Variants in CDH2 observed in about 807,000 individuals in gnomAD.
CDH2 encodes the protein cadherin 2.
Under a neutral mutation model 92.0 loss-of-function variants are expected in CDH2, and 17 were observed. That is an observed-to-expected ratio of 0.18 (90% CI 0.13 to 0.28). CDH2 has a LOEUF of 0.28. Among genes scored for constraint, CDH2 ranks in the 10% least tolerant of loss-of-function variants. The pLI is 1.00. For missense variants in CDH2, 862 were observed against 1,133.1 expected, an observed-to-expected ratio of 0.76 and a Z score of 3.44; for synonymous variants, 419 against 415.9, an observed-to-expected ratio of 1.01 and a Z score of -0.09.
chr18:28,118,478 T>G (rs1201554651), intron 2 of CDH2, among the ~76,000 whole-genome samples: 1 of 152,096 alleles, frequency 6.6e-6, no homozygotes, highest in Non-Finnish European at 1.5e-5. Flanking sequence ...CAGTTCTCAT[T>G]AAAAAGAATG....
intron 1 of CDH2, among the ~76,000 whole-genome samples, chr18:28,162,667 G>C (rs2016323656): frequency 6.6e-6 from 1 of 152,158 alleles, no homozygotes. Context: ...GTCCAGAATA[G>C]ACTAATCTTG....
chr18:28,156,774 AATGTCACCTTCCCAGGTATAGC>A lies in CDH2; in HGVS notation c.61-9012_61-8991del, dbSNP rs1411149143. On this transcript the variant is annotated intron_variant, in intron 1 of 15. Transcript: ENST00000269141. ...TAGCATGTCACCTTCCCAGGTACAGAATGTCACCTTCCCAGGTATAGCATGTCACCTTCCCAGGTATAGCATG... is the reference window on the plus strand; with the variant it reads ...TAGCATGTCACCTTCCCAGGTACAGAATGTCACCTTCCCAGGTATAGCATG... Among the ~76,000 whole-genome samples the A allele has an allele frequency of 2.7e-3, 300 of 112,794 alleles. 5 individuals carry two copies. The highest frequency in any genetic ancestry group is 7.4e-3 in the African/African-American group (211 of 28,610). The allele number at this position is 112,794 out of a possible 152,430, so 74.0% of individuals were successfully genotyped here. A position where few individuals can be genotyped will look rare whatever the true frequency, so the allele number is the denominator to read the frequency against.
At chr18:28,052,517 GGA>G (rs66765318) in intron 2 of CDH2, among the ~76,000 whole-genome samples, 81,611 of 151,848 alleles carry the variant, frequency 0.54, 22,686 homozygotes, top group African/African-American at 0.68. Context: ...GTTTGGAAAG[GGA>G]GAGAGAAATT....
At position 27,979,658 on chromosome 18, in the gene CDH2, A is replaced by C. The variant is rs540988923; in HGVS notation, c.2349+3286T>G. Among the ~76,000 whole-genome samples, 6 of 152,376 alleles carry C rather than the reference A, an allele frequency of 3.9e-5. No homozygotes were observed. In the South Asian group the frequency reaches 1.2e-3, roughly 32 times the overall value. On this transcript the variant is annotated intron_variant, in intron 14 of 15. Transcript: ENST00000269141. ...GCAGTGACAAAAATGAACGACTTCT[A>C]CACATGAATCTCACAGGTACAATGT...
At chr18:28,068,302 T>G (rs2014549134) in intron 2 of CDH2, among the ~76,000 whole-genome samples, 1 of 152,212 alleles carries the variant, frequency 6.6e-6, no homozygotes, top group Non-Finnish European at 1.5e-5. Flanking sequence ...CTGCTAGTTA[T>G]AAGGTCTCAA....
At chr18:28,003,442 T>C (rs1041484251) in intron 6 of CDH2, among the ~76,000 whole-genome samples, 3 of 152,206 alleles carry the variant, frequency 2.0e-5, no homozygotes, top group African/African-American at 7.2e-5. Context: ...ATTCACTTTA[T>C]GATTCCAAAA....
At chr18:27,955,885 G>C (rs1362907884) in intron 15 of CDH2, among the ~76,000 whole-genome samples, 1 of 149,700 alleles carries the variant, frequency 6.7e-6, no homozygotes. Context: ...CAAAATCACT[G>C]AACTTTTCAA....
chr18:28,045,161 G>C (rs987260098), intron 2 of CDH2, among the ~76,000 whole-genome samples: 1 of 152,006 alleles, frequency 6.6e-6, no homozygotes, highest in Non-Finnish European at 1.5e-5. Flanking sequence ...TCATCCAACT[G>C]GTCTTCAAGC....
chr18:28,172,747 T>A (rs1176248284), intron 1 of CDH2, among the ~76,000 whole-genome samples: 1 of 152,166 alleles, frequency 6.6e-6, no homozygotes, highest in Non-Finnish European at 1.5e-5. Context: ...TTTTTTGTAT[T>A]TGAGCCAAAA....
At position 28,177,081 on chromosome 18, in the gene CDH2, C is replaced by T; in HGVS notation, c.-59G>A. 3.8e-6 allele frequency: 4 copies of T among 1,053,184 alleles called. No homozygotes were observed. The highest frequency in any genetic ancestry group is 1.7e-5 in the African/African-American group (1 of 57,406). The allele number at this position is 1,053,184 out of a possible 1,614,324, so 65.2% of individuals were successfully genotyped here. ...GAGGCGGCGGCGGCGGCGGCGGCGGCGGAGGAGGAGGAGGCAGCGGCAGCA... is the reference window on the plus strand; with the variant it reads ...GAGGCGGCGGCGGCGGCGGCGGCGGTGGAGGAGGAGGAGGCAGCGGCAGCA... On this transcript the variant is annotated 5_prime_UTR_variant, in exon 1 of 16. Coordinates refer to ENST00000269141, the MANE Select transcript of CDH2 (RefSeq NM_001792.5).
At chr18:27,985,468 C>T in intron 12 of CDH2, 60 bp downstream of exon 12, 2 of 1,140,262 alleles carry the variant, frequency 1.8e-6, no homozygotes, top group Non-Finnish European at 2.6e-6. Context: ...ATTAACTTTT[C>T]ATGCCAGGCT....
At chr18:27,963,744 C>A in intron 14 of CDH2, 1 of 506,914 alleles carries the variant, frequency 2.0e-6, no homozygotes, top group Non-Finnish European at 3.5e-6. Context: ...ATCTGCTTTA[C>A]AATGTTCCTC....
intron 2 of CDH2, among the ~76,000 whole-genome samples, chr18:28,122,274 C>T (rs1265751595): frequency 6.6e-6 from 1 of 152,068 alleles, no homozygotes; most frequent in Non-Finnish European, 1.5e-5. Flanking sequence ...CTAATATTGT[C>T]TGTATTTGTA....
intron 2 of CDH2, among the ~76,000 whole-genome samples, chr18:28,098,750 CTG>C: frequency 6.6e-6 from 1 of 152,158 alleles, no homozygotes; most frequent in South Asian, 2.1e-4. Flanking sequence ...TGTTTAGAGT[CTG>C]AGGACTGAAA....
intron 2 of CDH2, among the ~76,000 whole-genome samples, chr18:28,017,552 C>G (rs531804859): frequency 6.6e-6 from 1 of 152,178 alleles, no homozygotes; most frequent in African/African-American, 2.4e-5. Flanking sequence ...ACTTATCTTT[C>G]AAATAACCAG....
chr18:28,146,260 G>C (rs1331817339), intron 2 of CDH2: 1 of 152,036 alleles, frequency 6.6e-6, no homozygotes, highest in Non-Finnish European at 1.5e-5. Flanking sequence ...TTTATTATCT[G>C]TCTGAATTAT....
rs767621213 is a variant in CDH2, at chr18:27,979,216, G to A, written c.2349+3728C>T. On this transcript the variant is annotated intron_variant, in intron 14 of 15. Transcript: ENST00000269141. ...AAGTAGACAAACAGGCTAAACAAACGTCATGAAATAACATATCAAAAGGGT... is the reference window on the plus strand; with the variant it reads ...AAGTAGACAAACAGGCTAAACAAACATCATGAAATAACATATCAAAAGGGT... Among the ~76,000 whole-genome samples the A allele has an allele frequency of 1.2e-4, 19 of 152,076 alleles. No homozygotes were observed. In the East Asian group the frequency reaches 2.1e-3, roughly 17 times the overall value.
intron 2 of CDH2, among the ~76,000 whole-genome samples, chr18:28,068,892 A>G (rs1187612982): frequency 6.6e-6 from 1 of 152,200 alleles, no homozygotes; most frequent in Non-Finnish European, 1.5e-5. Context: ...AAAACCTTAG[A>G]TTACATAGAG....
chr18:27,952,270 C>A lies in CDH2; in HGVS notation c.2604G>T (p.Gly868=). The A allele has an allele frequency of 6.2e-7, 1 of 1,613,514 alleles. No homozygotes were observed. The highest frequency in any genetic ancestry group is 8.5e-7 in the Non-Finnish European group (1 of 1,179,610). ...TTGAGGAATTAAGGGAGCTCAAGGACCCAGCAGTGGAGCCACTGCCTTCAT... is the reference window on the plus strand; with the variant it reads ...TTGAGGAATTAAGGGAGCTCAAGGAACCAGCAGTGGAGCCACTGCCTTCAT... ...FDYEGSGSTA[G]SLSSLNSSSS... Residue 868 remains glycine (G), a synonymous_variant, in exon 16 of 16, where the codon GGG becomes GGT. Transcript: ENST00000269141.
Sources: gnomAD v4.1 joint callset for allele counts (sites outside exome capture counted in the v4.1 genomes callset) on GRCh38, gnomAD v4.1.1 for gene constraint, MANE v1.5 for transcripts, NCBI Gene and HGNC (gene_info 2026-07-23, HGNC 2026-07-21) for gene names.